TSPAN18: variants seen among roughly 807,000 people sequenced by gnomAD.
The protein encoded by TSPAN18 is tetraspanin-18.
In TSPAN18, 14 loss-of-function variants were observed where a neutral mutation model predicts 27.3. The ratio of observed to expected loss-of-function variants is 0.51; its 90% CI spans 0.34 to 0.80. The LOEUF is 0.80. Ranked by LOEUF, TSPAN18 falls within the 30% of genes least tolerant of loss-of-function variation. The pLI is 0.01. For synonymous variants in TSPAN18, 143 were observed against 136.5 expected, an observed-to-expected ratio of 1.05 and a Z score of -0.33; for missense variants, 268 against 323.9, an observed-to-expected ratio of 0.83 and a Z score of 1.32.
At chr11:44,829,230 T>C (rs977358059) in intron 2 of TSPAN18, among the ~76,000 whole-genome samples, 1 of 152,180 alleles carries the variant, frequency 6.6e-6, no homozygotes, top group African/African-American at 2.4e-5. Flanking sequence ...CCTCTTTGCA[T>C]TGTACATTCT....
chr11:44,813,500 G>C (rs1856762082), intron 2 of TSPAN18, among the ~76,000 whole-genome samples: 1 of 152,210 alleles, frequency 6.6e-6, no homozygotes, highest in Non-Finnish European at 1.5e-5. Flanking sequence ...ATTGGAGACA[G>C]TCTTACCCTT....
chr11:44,902,662 G>A (rs538758556), intron 3 of TSPAN18, among the ~76,000 whole-genome samples: 1 of 152,310 alleles, frequency 6.6e-6, no homozygotes, highest in East Asian at 1.9e-4. Flanking sequence ...TGGGAGGGCA[G>A]GGCCTGGAGA....
intron 2 of TSPAN18, among the ~76,000 whole-genome samples, chr11:44,835,926 T>C (rs556714056): frequency 6.6e-6 from 1 of 152,308 alleles, no homozygotes; most frequent in East Asian, 1.9e-4. Flanking sequence ...TGCACCCTTA[T>C]ATGATGGTGG....
intron 2 of TSPAN18, among the ~76,000 whole-genome samples, chr11:44,787,817 G>C (rs987870421): frequency 6.6e-6 from 1 of 152,050 alleles, no homozygotes; most frequent in Admixed American, 6.5e-5. Context: ...TTTTTTGCGA[G>C]GGTGCTCTCT....
At chr11:44,790,499 A>G (rs1350134829) in intron 2 of TSPAN18, among the ~76,000 whole-genome samples, 4 of 122,424 alleles carry the variant, frequency 3.3e-5, no homozygotes, top group African/African-American at 6.6e-5. Flanking sequence ...GTGTATGCAT[A>G]TGTTTGTGTG....
intron 2 of TSPAN18, among the ~76,000 whole-genome samples, chr11:44,770,388 A>G (rs568311556): frequency 6.6e-6 from 1 of 152,274 alleles, no homozygotes; most frequent in East Asian, 1.9e-4. Context: ...ACAAGCCTTG[A>G]CATAATCTCG....
intron 3 of TSPAN18, among the ~76,000 whole-genome samples, chr11:44,862,970 C>G (rs889410349): frequency 6.6e-6 from 1 of 152,196 alleles, no homozygotes; most frequent in African/African-American, 2.4e-5. Flanking sequence ...ACGAATCATA[C>G]AAGCTCCACT....
At chr11:44,766,631 C>G (rs1249189817) in intron 2 of TSPAN18, among the ~76,000 whole-genome samples, 1 of 152,228 alleles carries the variant, frequency 6.6e-6, no homozygotes, top group Non-Finnish European at 1.5e-5. Flanking sequence ...TGCTGTTGTT[C>G]TTGGTTTACT....
chr11:44,769,479 C>T (rs1855641910), intron 2 of TSPAN18, among the ~76,000 whole-genome samples: 1 of 152,220 alleles, frequency 6.6e-6, no homozygotes, highest in South Asian at 2.1e-4. Context: ...GGTATAATTT[C>T]TCCCATAAGT....
intron 5 of TSPAN18, among the ~76,000 whole-genome samples, chr11:44,915,717 AG>A (rs1859881109): frequency 6.6e-6 from 1 of 152,198 alleles, no homozygotes; most frequent in Admixed American, 6.5e-5. Context: ...CGCTCTGAAA[AG>A]GCAGCTGGGC....
chr11:44,872,206 C>T, intron 3 of TSPAN18, among the ~76,000 whole-genome samples: 1 of 152,150 alleles, frequency 6.6e-6, no homozygotes, highest in Non-Finnish European at 1.5e-5. Flanking sequence ...GCTAGGATTA[C>T]AGGCATGAGC....
chr11:44,807,527 C>CAAAAAAAAAAAAA (rs59241339), intron 2 of TSPAN18, among the ~76,000 whole-genome samples: 43 of 64,448 alleles, frequency 6.7e-4, no homozygotes, highest in African/African-American at 1.0e-3. Context: ...AACTCCATCT[C>CAAAAAAAAAAAAA]AAAAAAAAAA....
At position 44,926,700 on chromosome 11, in the gene TSPAN18, C is replaced by G. The variant is rs772148970; in HGVS notation, c.642C>G (p.Thr214=). 2 of 1,614,188 alleles carry G rather than the reference C, an allele frequency of 1.2e-6. No homozygotes were observed. The highest frequency in any genetic ancestry group is 2.2e-5 in the South Asian group (2 of 91,088). Residue 214 remains threonine (T), a synonymous_variant, in exon 9 of 10, where the codon ACC becomes ACG. Coordinates refer to ENST00000520358, the MANE Select transcript of TSPAN18 (RefSeq NM_130783.5). The stretch of plus-strand genomic sequence containing the variant: ...GCTGTTACACGGTGATCCTCAACAC[C>G]TTCGAGACCTACGTCTACTTGGCCG... The part of the protein sequence containing the change: ...KQGCYTVILN[T]FETYVYLAGA...
chr11:44,818,258 C>T (rs962658719), intron 2 of TSPAN18, among the ~76,000 whole-genome samples: 7 of 152,342 alleles, frequency 4.6e-5, no homozygotes, highest in South Asian at 2.1e-4. Flanking sequence ...TTTCCCTCCA[C>T]GGCCCTGCCC....
chr11:44,729,360 G>A (rs1353735497), intron 1 of TSPAN18, among the ~76,000 whole-genome samples: 1 of 152,076 alleles, frequency 6.6e-6, no homozygotes, highest in East Asian at 1.9e-4. Flanking sequence ...TGGGAGCATG[G>A]GGCCCCTAGA....
chr11:44,742,068 C>T (rs1854950469), intron 1 of TSPAN18, among the ~76,000 whole-genome samples: 1 of 152,174 alleles, frequency 6.6e-6, no homozygotes, highest in South Asian at 2.1e-4. Context: ...AGAATGGAAA[C>T]CTGCTGCAGC....
At chr11:44,887,478 T>G (rs1454542309) in intron 3 of TSPAN18, among the ~76,000 whole-genome samples, 1 of 152,212 alleles carries the variant, frequency 6.6e-6, no homozygotes, top group Non-Finnish European at 1.5e-5. Flanking sequence ...CAACTGGGAA[T>G]AATAATATGC....
intron 2 of TSPAN18, among the ~76,000 whole-genome samples, chr11:44,817,880 G>A (rs961990199): frequency 7.2e-5 from 11 of 152,228 alleles, no homozygotes; most frequent in Non-Finnish European, 1.5e-4. Context: ...GACCACTGTG[G>A]TCCAGGCACT....
intron 2 of TSPAN18, among the ~76,000 whole-genome samples, chr11:44,791,293 G>T (rs898752262): frequency 9.9e-5 from 15 of 152,208 alleles, no homozygotes; most frequent in Non-Finnish European, 1.8e-4. Flanking sequence ...GAGCCGTGGA[G>T]CCAATCTGCT....
Sources: gnomAD v4.1 joint callset for allele counts (sites outside exome capture counted in the v4.1 genomes callset) on GRCh38, gnomAD v4.1.1 for gene constraint, MANE v1.5 for transcripts, NCBI Gene and HGNC (gene_info 2026-07-23, HGNC 2026-07-21) for gene names.